The following SFMBT1 variants were observed in gnomAD, a reference collection of about 807,000 sequenced individuals.
The protein encoded by SFMBT1 is scm-like with four MBT domains protein 1.
SFMBT1 carries 32 observed loss-of-function variants against 108.7 expected under a neutral mutation model. The observed-to-expected ratio is 0.29, with a 90% CI of 0.22 to 0.40. The LOEUF (loss-of-function observed/expected upper bound fraction) is 0.40, where lower values mean the gene tolerates loss of function less well. SFMBT1 is among the 10% of genes least tolerant of loss of function. The pLI, the probability that SFMBT1 is intolerant of heterozygous loss-of-function variation, is 1.00. For missense variants in SFMBT1, 816 were observed against 1,059.6 expected, an observed-to-expected ratio of 0.77 and a Z score of 3.19; for synonymous variants, 348 against 369.5, an observed-to-expected ratio of 0.94 and a Z score of 0.67.
chr3:53,026,937 C>A (rs895271867), intron 1 of SFMBT1, among the ~76,000 whole-genome samples: 1 of 152,068 alleles, frequency 6.6e-6, no homozygotes, highest in Non-Finnish European at 1.5e-5. Flanking sequence ...ATCGTGCCAC[C>A]GCACCTGGCT....
intron 1 of SFMBT1, among the ~76,000 whole-genome samples, chr3:53,030,414 C>A (rs1559555948): frequency 4.0e-5 from 6 of 150,190 alleles, no homozygotes; most frequent in African/African-American, 1.2e-4. Context: ...TTTTGATATT[C>A]AAAAAAAAAT....
chr3:52,918,676 C>CAT, intron 12 of SFMBT1, 150 bp from the exon 13 acceptor site: 2 of 370,234 alleles, frequency 5.4e-6, no homozygotes, highest in East Asian at 4.1e-5. Context: ...TATATATACA[C>CAT]ATATATATAG....
At position 52,920,547 on chromosome 3, in the gene SFMBT1, G is replaced by C; in HGVS notation, c.1362C>G (p.Arg454=). 1 of 1,612,068 alleles carries C rather than the reference G, an allele frequency of 6.2e-7. No homozygotes were observed. The change falls in exon 12 of 21, where the codon CGC becomes CGG. Residue 454 remains arginine, a synonymous_variant. Coordinates refer to ENST00000394752, the MANE Select transcript of SFMBT1 (RefSeq NM_016329.4). Reference sequence around the variant, plus strand: ...GAAATAGACAGATACCTCGTGCTCGGCGAGGAGTGCTGAGGGGGTGGCCGT... The same window carrying C: ...GAAATAGACAGATACCTCGTGCTCGCCGAGGAGTGCTGAGGGGGTGGCCGT... ...ETNGHPLSTP[R]RARVYKQRKI...
intron 1 of SFMBT1, among the ~76,000 whole-genome samples, chr3:52,994,415 C>G (rs900459367): frequency 2.7e-5 from 4 of 150,060 alleles, no homozygotes; most frequent in African/African-American, 9.7e-5. Flanking sequence ...AAGAACACAA[C>G]ACCAACTATT....
In SFMBT1 at chr3:53,010,338, AG is replaced by A. The variant is rs1267564317; in HGVS notation, c.-131+35477del. 2.0e-5 allele frequency among the ~76,000 whole-genome samples: 3 copies of A among 152,298 alleles called. No homozygotes were observed. The East Asian group carries it at 5.8e-4, about 29-fold the overall frequency. On this transcript the variant is annotated intron_variant, in intron 1 of 20. Transcript: ENST00000394752. Reference sequence around the variant, plus strand: ...GCAGGAAGCCTGAGCTACCTATCCCAGGGGAGGACAAAGGGAGACAAAGGCA... The same window carrying A: ...GCAGGAAGCCTGAGCTACCTATCCCAGGGAGGACAAAGGGAGACAAAGGCA...
intron 17 of SFMBT1, among the ~76,000 whole-genome samples, chr3:52,910,502 T>C (rs767647518): frequency 1.2e-4 from 18 of 152,180 alleles, no homozygotes; most frequent in Non-Finnish European, 2.2e-4. Flanking sequence ...TTCTTTTTTT[T>C]TGGAGACACA....
intron 12 of SFMBT1, among the ~76,000 whole-genome samples, chr3:52,920,040 A>G (rs1702474066): frequency 6.6e-6 from 1 of 152,250 alleles, no homozygotes; most frequent in Non-Finnish European, 1.5e-5. Context: ...ATGTGAGGAC[A>G]CAACGAGAAG....
intron 1 of SFMBT1, among the ~76,000 whole-genome samples, chr3:53,020,257 T>G (rs936906499): frequency 1.3e-4 from 19 of 151,908 alleles, no homozygotes; most frequent in Admixed American, 6.6e-4. Flanking sequence ...GGCATGGTGG[T>G]GCATGCCTGT....
chr3:52,913,635 A>C lies in SFMBT1; in HGVS notation c.1481-18T>G. 6.2e-7 allele frequency: 1 copy of C among 1,611,818 alleles called. No homozygotes were observed. The highest frequency in any genetic ancestry group is 8.5e-7 in the Non-Finnish European group (1 of 1,179,174). On this transcript the variant is annotated intron_variant, in intron 14 of 20. Coordinates refer to ENST00000394752, the MANE Select transcript of SFMBT1 (RefSeq NM_016329.4). ...AATCATAACTGGGAAATGAAGAAAA[A>C]CAAATATTCAAAACAGTCATTCTCT...
intron 1 of SFMBT1, among the ~76,000 whole-genome samples, chr3:52,974,781 C>T (rs187536306): frequency 1.4e-5 from 2 of 140,614 alleles, no homozygotes; most frequent in Admixed American, 7.8e-5. Context: ...CTTGAGCTCA[C>T]GAGTTCGAGA....
intron 1 of SFMBT1, among the ~76,000 whole-genome samples, chr3:52,997,414 TAGTCCCAGCTACTCGGG>T (rs1698374634): frequency 6.7e-6 from 1 of 148,406 alleles, no homozygotes; most frequent in East Asian, 2.0e-4. Flanking sequence ...CAGGCACCTG[TAGTCCCAGCTACTCGGG>T]AGGCTGAGGC....
intron 1 of SFMBT1, among the ~76,000 whole-genome samples, chr3:53,028,228 C>T (rs1699562105): frequency 1.3e-5 from 2 of 152,140 alleles, no homozygotes; most frequent in Admixed American, 1.3e-4. Flanking sequence ...ACTACAGGTG[C>T]ACACCACCAC....
At chr3:53,031,582 AAACTAT>A (rs1559556415) in intron 1 of SFMBT1, among the ~76,000 whole-genome samples, 1 of 129,136 alleles carries the variant, frequency 7.7e-6, no homozygotes, top group South Asian at 2.8e-4. Flanking sequence ...TTCAGAACTA[AAACTAT>A]AACACTGTAA....
Position 52,932,282 on chromosome 3 carries a change from A to T in SFMBT1, c.480T>A (p.Asp160Glu). The T allele has an allele frequency of 6.2e-7, 1 of 1,614,154 alleles. No homozygotes were observed. The highest frequency in any genetic ancestry group is 8.5e-7 in the Non-Finnish European group (1 of 1,180,004). Residue 160 changes from aspartate (D) to glutamate (E), a missense_variant, in exon 6 of 21, where the codon GAT becomes GAA. Transcript: ENST00000394752. Reference sequence around the variant, plus strand: ...CTAGTCTGGATCCTGGAGCAATGAGATCTAAAGGATTCCTCCCATTACGGA... The same window carrying T: ...CTAGTCTGGATCCTGGAGCAATGAGTTCTAAAGGATTCCTCCCATTACGGA... Reference protein sequence around the residue: ...EGLRNGRNPLDLIAPGSRLEC... With the variant: ...EGLRNGRNPLELIAPGSRLEC...
At position 52,924,201 on chromosome 3, in the gene SFMBT1, G is replaced by A. The variant is rs142022510; in HGVS notation, c.1131+1830C>T. On this transcript the variant is annotated intron_variant, in intron 10 of 20. Coordinates refer to ENST00000394752, the MANE Select transcript of SFMBT1 (RefSeq NM_016329.4). The stretch of plus-strand genomic sequence containing the variant: ...TTACTTCCCTTGTACCCTGTTACAG[G>A]AAGGTACTGAGAGATGGGGATCCAT... 3.8e-3 allele frequency among the ~76,000 whole-genome samples: 578 copies of A among 152,258 alleles called. 2 individuals are homozygous for A. The highest frequency in any genetic ancestry group is 6.8e-3 in the Middle Eastern group (2 of 294).
chr3:52,992,372 A>G (rs1385797365), intron 1 of SFMBT1, among the ~76,000 whole-genome samples: 1 of 152,236 alleles, frequency 6.6e-6, no homozygotes, highest in Non-Finnish European at 1.5e-5. Context: ...ACATTACGTG[A>G]TTATTACACA....
chr3:52,932,556 C>T (rs1247761638), intron 5 of SFMBT1, among the ~76,000 whole-genome samples: 1 of 152,120 alleles, frequency 6.6e-6, no homozygotes, highest in African/African-American at 2.4e-5. Context: ...ATCTCTAGGA[C>T]TATGTTATGT....
chr3:52,908,049 A>G (rs935234601), intron 17 of SFMBT1, among the ~76,000 whole-genome samples: 1 of 150,812 alleles, frequency 6.6e-6, no homozygotes, highest in Non-Finnish European at 1.5e-5. Flanking sequence ...GGAACCACAC[A>G]GTAAGCACTT....
At chr3:53,039,809 A>T (rs1699977889) in intron 1 of SFMBT1, among the ~76,000 whole-genome samples, 1 of 152,086 alleles carries the variant, frequency 6.6e-6, no homozygotes, top group Non-Finnish European at 1.5e-5. Context: ...TAATTTTGGT[A>T]TACTTTTTTT....
Sources: gnomAD v4.1 joint callset for allele counts (sites outside exome capture counted in the v4.1 genomes callset) on GRCh38, gnomAD v4.1.1 for gene constraint, MANE v1.5 for transcripts, NCBI Gene and HGNC (gene_info 2026-07-23, HGNC 2026-07-21) for gene names.